TRIP12: variants seen among roughly 807,000 people sequenced by gnomAD.
TRIP12 encodes thyroid hormone receptor interactor 12.
A neutral mutation model predicts 244.2 loss-of-function variants in TRIP12; 25 were observed. The ratio of observed to expected loss-of-function variants is 0.10; its 90% CI spans 0.07 to 0.14. TRIP12 has a LOEUF of 0.14. Ranked by LOEUF, TRIP12 falls within the 10% of genes least tolerant of loss-of-function variation. TRIP12 has a pLI of 1.00. For synonymous variants in TRIP12, 905 were observed against 873.1 expected, an observed-to-expected ratio of 1.04 and a Z score of -0.64; for missense variants, 1,677 against 2,486.4, an observed-to-expected ratio of 0.67 and a Z score of 6.92.
rs2041654157 is a variant in TRIP12 at position 229,791,974 on chromosome 2, T to C, written c.4307A>G (p.Gln1436Arg). 1 of 1,614,070 alleles carries C rather than the reference T, an allele frequency of 6.2e-7. No homozygotes were observed. The highest frequency in any genetic ancestry group is 8.5e-7 in the Non-Finnish European group (1 of 1,180,014). The change falls in exon 29 of 42, where the codon CAG becomes CGG. Residue 1436 changes from glutamine to arginine, a missense_variant. Transcript: ENST00000675903. Reference protein sequence around the residue: ...HLLPYNMTVYQAVRQFSIQAE... With the variant: ...HLLPYNMTVYRAVRQFSIQAE... Reference sequence around the variant, plus strand: ...CTGTATACTAAACTGCCGTACTGCCTGATACACAGTCATGTTATACGGCAG... The same window carrying C: ...CTGTATACTAAACTGCCGTACTGCCCGATACACAGTCATGTTATACGGCAG...
chr2:229,859,609 C>A (rs373916927), intron 3 of TRIP12, 35 bp from the exon 4 acceptor site: 4 of 1,575,586 alleles, frequency 2.5e-6, no homozygotes, highest in Non-Finnish European at 3.4e-6. Flanking sequence ...TTAATATCAG[C>A]CTGTCATAAT....
chr2:229,811,806 T>C (rs943080815), intron 13 of TRIP12, among the ~76,000 whole-genome samples: 5 of 152,314 alleles, frequency 3.3e-5, no homozygotes, highest in Non-Finnish European at 7.4e-5. Flanking sequence ...GGCTAATGTT[T>C]TGATAGATCT....
At chr2:229,831,035 T>C in intron 6 of TRIP12, 196 bp from the exon 7 acceptor site, 1 of 691,114 alleles carries the variant, frequency 1.4e-6, no homozygotes, top group East Asian at 2.7e-5. Flanking sequence ...TCAACTATTT[T>C]AGTATTAAAA....
At chr2:229,918,269 A>G (rs1180967524) in intron 1 of TRIP12, among the ~76,000 whole-genome samples, 1 of 152,230 alleles carries the variant, frequency 6.6e-6, no homozygotes. Flanking sequence ...GTCCATGTCA[A>G]ACAGGCAATT....
At chr2:229,880,355 T>C (rs2064572784) in intron 1 of TRIP12, among the ~76,000 whole-genome samples, 1 of 152,212 alleles carries the variant, frequency 6.6e-6, no homozygotes, top group South Asian at 2.1e-4. Context: ...CCGGACTCAG[T>C]ATATAAAATT....
At chr2:229,871,025 GT>G (rs1292662829) in intron 2 of TRIP12, among the ~76,000 whole-genome samples, 1 of 152,082 alleles carries the variant, frequency 6.6e-6, no homozygotes, top group East Asian at 1.9e-4. Flanking sequence ...AGGCATGGTG[GT>G]GCACACCTGC....
intron 1 of TRIP12, among the ~76,000 whole-genome samples, chr2:229,911,963 T>C (rs1041171234): frequency 1.3e-5 from 2 of 151,900 alleles, no homozygotes; most frequent in Admixed American, 6.6e-5. Flanking sequence ...TAAGCAAAAG[T>C]TTCCCTATAT....
rs749734828 is a variant in TRIP12 at position 229,836,863 on chromosome 2, G to T, written c.1255C>A (p.Pro419Thr). ...NSSAARTDEA[P>T]QGAAASSSVA... ...ACCAATCTACCTGCAGCTCCTTGGG[G>T]AGCTTCATCTGTCCGAGCAGCTGAA... Residue 419 changes from proline (P) to threonine (T), a missense_variant, in exon 6 of 42, where the codon CCC becomes ACC. By Grantham distance (38) the Pro-to-Thr change is conservative (BLOSUM62 -1). Around this residue, in one of 11 missense-constraint regions of TRIP12, gnomAD observed 143 missense variants for 215.6 expected, o/e 0.66. Coordinates refer to ENST00000675903, the MANE Select transcript of TRIP12 (RefSeq NM_001348323.3). 2.5e-6 allele frequency: 4 copies of T among 1,592,152 alleles called. No individual in the cohort carries two copies. The Admixed American group carries it at 7.4e-5, about 30-fold the overall frequency.
intron 13 of TRIP12, 26 bp downstream of exon 13, chr2:229,813,844 G>A: frequency 2.8e-6 from 4 of 1,421,082 alleles, no homozygotes; most frequent in South Asian, 1.9e-5. Flanking sequence ...ACACTTTATG[G>A]CACATAAAAT....
At position 229,799,383 on chromosome 2, in the gene TRIP12, A is replaced by T; in HGVS notation, c.3207T>A (p.Gly1069=). The change falls in exon 22 of 42, where the codon GGT becomes GGA. Residue 1069 remains glycine, a splice_region_variant and synonymous_variant. Transcript: ENST00000675903. ...RDDSLDLSPQ[G]RLSDVLKRKR... is the part of the protein sequence containing the mutation. ...TTCTCTTTAGAACATCACTTAATCGACTGTCCATGGGAAAATATGAGATAA... is the reference window on the plus strand; with the variant it reads ...TTCTCTTTAGAACATCACTTAATCGTCTGTCCATGGGAAAATATGAGATAA... 1 of 1,613,934 alleles carries T rather than the reference A, an allele frequency of 6.2e-7. No homozygotes were observed. Among genetic ancestry groups the T allele is most frequent in the Non-Finnish European group, 8.5e-7 (1 of 1,179,824 alleles).
intron 1 of TRIP12, among the ~76,000 whole-genome samples, chr2:229,884,236 CTTTTTTTTT>C (rs200052292): frequency 1.6e-5 from 2 of 123,604 alleles, no homozygotes; most frequent in Admixed American, 8.8e-5. Flanking sequence ...TTTTTCTTTT[CTTTTTTTTT>C]TTTTTTTTTG....
chr2:229,903,834 G>T (rs34885390), intron 1 of TRIP12, among the ~76,000 whole-genome samples: 37,416 of 149,350 alleles, frequency 0.25, 5,809 homozygotes, highest in Middle Eastern at 0.43. Flanking sequence ...TGGGCAACAT[G>T]GTGAAACCCC....
chr2:229,764,028 C>CGGCTTGTA lies in TRIP12; in HGVS notation c.*3518_*3525dup, dbSNP rs1559238190. The CGGCTTGTA allele has an allele frequency of 6.6e-6, 1 of 152,122 alleles. No homozygotes were observed. The highest frequency in any genetic ancestry group is 2.4e-5 in the African/African-American group (1 of 41,420). The allele number at this position is 152,122 out of a possible 1,614,324, so 9.4% of individuals were successfully genotyped here. ...TGGTTATAGGTTTGGAAATATGAGT[C>CGGCTTGTA]GGCTTGTAGTAAAAATAAAACCACC... is the stretch of plus-strand genomic sequence containing the variant. On this transcript the variant is annotated 3_prime_UTR_variant, in exon 42 of 42. Transcript: ENST00000675903.
chr2:229,778,617 G>A lies in TRIP12; in HGVS notation c.5210-30C>T. 1 of 1,587,454 alleles carries A rather than the reference G, an allele frequency of 6.3e-7. No individual in the cohort carries two copies. Among genetic ancestry groups the A allele is most frequent in the Non-Finnish European group, 8.6e-7 (1 of 1,168,440 alleles). On this transcript the variant is annotated intron_variant, in intron 35 of 41. Coordinates refer to ENST00000675903, the MANE Select transcript of TRIP12 (RefSeq NM_001348323.3). The surrounding 1 kb of genome is among the most constrained non-coding windows in gnomAD (Gnocchi z 4.1). ...AAAACAAGCAATGCAGCAAACTTCA[G>A]ATGATGTTTCCAAAAACAAAACAAA...
chr2:229,882,361 G>A (rs1369880658), intron 1 of TRIP12, among the ~76,000 whole-genome samples: 1 of 152,132 alleles, frequency 6.6e-6, no homozygotes, highest in Non-Finnish European at 1.5e-5. Context: ...ACTTTCAAAA[G>A]TGAAATGTTT....
At chr2:229,853,895 C>T (rs1042558401) in intron 4 of TRIP12, among the ~76,000 whole-genome samples, 16 of 152,166 alleles carry the variant, frequency 1.1e-4, no homozygotes, top group Admixed American at 4.6e-4. Context: ...TGCCCAACCT[C>T]GCCAAACTAT....
In TRIP12 at chr2:229,792,063, A is replaced by G; in HGVS notation, c.4218T>C (p.Ala1406=). Residue 1406 remains alanine (A), a splice_region_variant and synonymous_variant, in exon 29 of 42, where the codon GCT becomes GCC. Transcript: ENST00000675903. ...CATTTCCTGAATTTAGGAACTGAGC[A>G]GCCTGAATAAAGCAAAGCAAAAGCC... ...GSDEEIDESL[A]AQFLNSGNVR... 6 of 1,614,142 alleles carry G rather than the reference A, an allele frequency of 3.7e-6. No homozygotes were observed. Among genetic ancestry groups the G allele is most frequent in the Non-Finnish European group, 5.1e-6 (6 of 1,179,976 alleles).
intron 6 of TRIP12, among the ~76,000 whole-genome samples, chr2:229,836,514 T>A (rs1350016882): frequency 2.0e-5 from 3 of 152,232 alleles, no homozygotes; most frequent in Non-Finnish European, 4.4e-5. Flanking sequence ...AAAATTTATA[T>A]ATGTGTGAAG....
intron 1 of TRIP12, among the ~76,000 whole-genome samples, chr2:229,910,965 G>A (rs1439848381): frequency 6.6e-6 from 1 of 152,172 alleles, no homozygotes; most frequent in Non-Finnish European, 1.5e-5. Flanking sequence ...TGGGGGAAGG[G>A]CACAAATGCA....
Sources: allele counts gnomAD v4.1 joint callset (sites outside exome capture counted in the v4.1 genomes callset), GRCh38; gene constraint gnomAD v4.1.1; regional missense constraint gnomAD v4.1.1; non-coding constraint Gnocchi (gnomAD v3.1); transcripts MANE v1.5; gene names NCBI Gene and HGNC (gene_info 2026-07-23, HGNC 2026-07-21).